Variants in SPOCK3 observed in about 807,000 individuals in gnomAD.
SPOCK3 encodes SPARC (osteonectin), cwcv and kazal like domains proteoglycan 3.
In SPOCK3, 30 loss-of-function variants were observed where a neutral mutation model predicts 56.6. The observed-to-expected ratio is 0.53, with a 90% confidence interval of 0.40 to 0.72. The LOEUF (loss-of-function observed/expected upper bound fraction) is 0.72. Ranked by LOEUF, SPOCK3 falls within the 30% of genes least tolerant of loss-of-function variation. The pLI, the probability that SPOCK3 is intolerant of heterozygous loss-of-function variation, is 0.00. For missense variants in SPOCK3, 527 were observed against 530.0 expected, an observed-to-expected ratio of 0.99 and a Z score of 0.06; for synonymous variants, 196 against 183.3, an observed-to-expected ratio of 1.07 and a Z score of -0.56.
chr4:166,829,363 TC>T (rs984734845), intron 6 of SPOCK3, among the ~76,000 whole-genome samples: 39 of 152,088 alleles, frequency 2.6e-4, no homozygotes, highest in African/African-American at 9.2e-4. Context: ...CATGGTATTT[TC>T]TTTTGTAAAT....
At chr4:167,024,825 C>T (rs1223687608) in intron 3 of SPOCK3, among the ~76,000 whole-genome samples, 2 of 151,854 alleles carry the variant, frequency 1.3e-5, no homozygotes, top group Non-Finnish European at 2.9e-5. Flanking sequence ...CAAATGCCAC[C>T]TGTACCCCAA....
chr4:166,962,159 C>A (rs535278845), intron 4 of SPOCK3, among the ~76,000 whole-genome samples: 23 of 152,120 alleles, frequency 1.5e-4, no homozygotes, highest in Non-Finnish European at 2.9e-4. Flanking sequence ...CTCCAATAAT[C>A]CATGAAATTT....
intron 7 of SPOCK3, among the ~76,000 whole-genome samples, chr4:166,778,124 C>A (rs1739773741): frequency 6.6e-6 from 1 of 152,152 alleles, no homozygotes; most frequent in South Asian, 2.1e-4. Context: ...CAAGCAATGT[C>A]TCTTCTCTTC....
At chr4:166,890,844 A>G (rs1315176328) in intron 5 of SPOCK3, among the ~76,000 whole-genome samples, 1 of 152,032 alleles carries the variant, frequency 6.6e-6, no homozygotes, top group Non-Finnish European at 1.5e-5. Flanking sequence ...TCTAAGATTG[A>G]CAATGAGGTG....
At chr4:166,791,342 G>A (rs1276252270) in intron 7 of SPOCK3, among the ~76,000 whole-genome samples, 1 of 152,158 alleles carries the variant, frequency 6.6e-6, no homozygotes, top group Middle Eastern at 3.2e-3. Context: ...GGTAGCAGGT[G>A]AGAGTGGATG....
At chr4:167,049,952 A>G (rs756652387) in intron 3 of SPOCK3, among the ~76,000 whole-genome samples, 9 of 152,232 alleles carry the variant, frequency 5.9e-5, no homozygotes, top group Non-Finnish European at 1.3e-4. Flanking sequence ...ACAAAAGAGT[A>G]AACGTCCTTC....
chr4:167,129,496 T>C (rs1762540359), intron 2 of SPOCK3, among the ~76,000 whole-genome samples: 1 of 152,234 alleles, frequency 6.6e-6, no homozygotes, highest in Admixed American at 6.5e-5. Flanking sequence ...CCATTCTGTT[T>C]AGTGCTTGAG....
chr4:167,222,292 G>A (rs918553356), intron 2 of SPOCK3, among the ~76,000 whole-genome samples: 3 of 151,906 alleles, frequency 2.0e-5, no homozygotes, highest in Admixed American at 6.6e-5. Flanking sequence ...GGGGCTGCAG[G>A]AAGGGCAAAA....
chr4:166,931,325 G>A (rs1366870587), intron 4 of SPOCK3, among the ~76,000 whole-genome samples: 1 of 143,154 alleles, frequency 7.0e-6, no homozygotes, highest in Non-Finnish European at 1.5e-5. Context: ...TACTCTAGGT[G>A]TGTGTGGGGG....
intron 2 of SPOCK3, among the ~76,000 whole-genome samples, chr4:167,096,924 A>G (rs1180052438): frequency 6.6e-6 from 1 of 151,716 alleles, no homozygotes; most frequent in Non-Finnish European, 1.5e-5. Context: ...TTTGCCTTAC[A>G]TGTTTTGACA....
intron 6 of SPOCK3, among the ~76,000 whole-genome samples, chr4:166,797,233 C>CTTTTTTTTTTTTTTT (rs1028695610): frequency 3.7e-5 from 3 of 80,752 alleles, no homozygotes; most frequent in African/African-American, 1.4e-4. Context: ...TTCCACCTTT[C>CTTTTTTTTTTTTTTT]TTTTTTTTTT....
At chr4:166,882,064 C>T (rs1486564232) in intron 6 of SPOCK3, among the ~76,000 whole-genome samples, 1 of 152,090 alleles carries the variant, frequency 6.6e-6, no homozygotes, top group African/African-American at 2.4e-5. Context: ...TGATTTTGCA[C>T]TATTATTTGT....
intron 2 of SPOCK3, among the ~76,000 whole-genome samples, chr4:167,196,150 T>C (rs772334174): frequency 2.6e-5 from 4 of 152,192 alleles, no homozygotes; most frequent in African/African-American, 7.2e-5. Flanking sequence ...TGCAACCAAT[T>C]TGTATTCATT....
chr4:166,982,007 C>T (rs753044936), intron 4 of SPOCK3, among the ~76,000 whole-genome samples: 56 of 152,314 alleles, frequency 3.7e-4, no homozygotes, highest in Non-Finnish European at 7.8e-4. Context: ...TCTGTGGGAA[C>T]AGGGGGGATC....
rs138746051 is a variant in SPOCK3, at chr4:166,810,663, T to G, written c.590-18374A>C. 4.7e-4 allele frequency among the ~76,000 whole-genome samples: 72 copies of G among 152,168 alleles called. 1 individual carries two copies. The East Asian group carries it at 8.9e-3, about 19-fold the overall frequency. On this transcript the variant is annotated intron_variant, in intron 6 of 10. Coordinates refer to ENST00000357545, the MANE Select transcript of SPOCK3 (RefSeq NM_001040159.2). ...TGGAATTCATCCAGCTTTGTGGTGATGTATCATACTTTCTTAAAAATATAT... is the reference window on the plus strand; with the variant it reads ...TGGAATTCATCCAGCTTTGTGGTGAGGTATCATACTTTCTTAAAAATATAT...
intron 6 of SPOCK3, among the ~76,000 whole-genome samples, chr4:166,795,041 T>A (rs1399314589): frequency 6.6e-6 from 1 of 152,178 alleles, no homozygotes; most frequent in Non-Finnish European, 1.5e-5. Context: ...TAATAGCAAG[T>A]TTGTTAACAG....
chr4:166,899,242 ATATCTATCTATCTATCTATC>A (rs75617799), intron 5 of SPOCK3, among the ~76,000 whole-genome samples: 97 of 117,338 alleles, frequency 8.3e-4, no homozygotes, highest in Admixed American at 2.1e-3. Flanking sequence ...AAATCTCCTC[ATATCTATCTATCTATCTATC>A]TATCTATCTA....
intron 2 of SPOCK3, among the ~76,000 whole-genome samples, chr4:167,154,544 C>A: frequency 6.6e-6 from 1 of 152,088 alleles, no homozygotes; most frequent in East Asian, 1.9e-4. Flanking sequence ...TAGATTTAAA[C>A]AACTGAGCTA....
intron 2 of SPOCK3, among the ~76,000 whole-genome samples, chr4:167,118,869 T>C (rs1308896317): frequency 1.3e-5 from 2 of 152,170 alleles, no homozygotes; most frequent in African/African-American, 2.4e-5. Flanking sequence ...GGATTTCATG[T>C]AACCCATATC....
Sources: allele counts gnomAD v4.1 joint callset (sites outside exome capture counted in the v4.1 genomes callset), GRCh38; gene constraint gnomAD v4.1.1; transcripts MANE v1.5; gene names NCBI Gene and HGNC (gene_info 2026-07-23, HGNC 2026-07-21).